GRIK2: variants seen among roughly 807,000 people sequenced by gnomAD.
The protein encoded by GRIK2 is glutamate ionotropic receptor kainate type subunit 2.
Under a neutral mutation model 100.3 loss-of-function variants are expected in GRIK2, and 32 were observed. The ratio of observed to expected loss-of-function variants is 0.32; its 90% CI spans 0.24 to 0.43. The LOEUF (loss-of-function observed/expected upper bound fraction) is 0.43. Among genes scored for constraint, GRIK2 ranks in the 20% least tolerant of loss-of-function variants. GRIK2 has a pLI of 1.00. For missense variants in GRIK2, 843 were observed against 1,114.9 expected, an observed-to-expected ratio of 0.76 and a Z score of 3.47; for synonymous variants, 417 against 389.4, an observed-to-expected ratio of 1.07 and a Z score of -0.83.
At chr6:101,682,411 T>C in intron 5 of GRIK2, 142 bp from the exon 6 acceptor site, 1 of 589,262 alleles carries the variant, frequency 1.7e-6, no homozygotes, top group Non-Finnish European at 3.0e-6. Context: ...TGGGAAAAGA[T>C]TTAGTTTAAC....
intron 11 of GRIK2, among the ~76,000 whole-genome samples, chr6:101,864,084 C>T (rs959803419): frequency 2.7e-5 from 4 of 149,848 alleles, no homozygotes; most frequent in African/African-American, 9.9e-5. Flanking sequence ...TTGCAGTGAG[C>T]CGAGATTGCG....
intron 7 of GRIK2, among the ~76,000 whole-genome samples, chr6:101,764,205 C>A (rs1349372439): frequency 6.6e-6 from 1 of 152,092 alleles, no homozygotes; most frequent in Non-Finnish European, 1.5e-5. Flanking sequence ...TGGTTCCAAT[C>A]CTTCTCATAA....
chr6:101,617,191 AG>A (rs1209304096), intron 2 of GRIK2, among the ~76,000 whole-genome samples: 1 of 151,748 alleles, frequency 6.6e-6, no homozygotes, highest in Non-Finnish European at 1.5e-5. Context: ...ATCTATGTAA[AG>A]TGCACACATG....
chr6:101,402,266 A>T (rs1019896910), intron 2 of GRIK2, among the ~76,000 whole-genome samples: 1 of 152,092 alleles, frequency 6.6e-6, no homozygotes, highest in African/African-American at 2.4e-5. Flanking sequence ...ACATTCTCTC[A>T]CACACACTCA....
At chr6:101,661,612 C>T (rs1363115183) in intron 4 of GRIK2, among the ~76,000 whole-genome samples, 1 of 152,098 alleles carries the variant, frequency 6.6e-6, no homozygotes, top group African/African-American at 2.4e-5. Context: ...GTGTAGGAAC[C>T]TGAGGAATCT....
At chr6:101,768,088 G>A (rs552372910) in intron 7 of GRIK2, among the ~76,000 whole-genome samples, 54 of 151,812 alleles carry the variant, frequency 3.6e-4, no homozygotes, top group Non-Finnish European at 7.5e-4. Flanking sequence ...CAAACTCCTG[G>A]GCTCAAGTGA....
intron 14 of GRIK2, among the ~76,000 whole-genome samples, chr6:101,963,605 C>G (rs10872742): frequency 0.95 from 140,308 of 148,202 alleles, 66,442 homozygotes; most frequent in African/African-American, 0.97. Context: ...ACCCGCCTCG[C>G]CCTCCCAAAG....
intron 14 of GRIK2, among the ~76,000 whole-genome samples, chr6:101,959,272 T>C (rs941552721): frequency 2.6e-5 from 4 of 152,152 alleles, no homozygotes; most frequent in African/African-American, 7.2e-5. Context: ...TTTTCATTAC[T>C]GATTCAATGT....
At chr6:101,744,059 C>T (rs1455037289) in intron 7 of GRIK2, among the ~76,000 whole-genome samples, 2 of 152,090 alleles carry the variant, frequency 1.3e-5, no homozygotes, top group Non-Finnish European at 2.9e-5. Context: ...TCTCCTGCTT[C>T]AGCCTCCTGA....
At chr6:101,936,972 A>T (rs1320997587) in intron 14 of GRIK2, among the ~76,000 whole-genome samples, 1 of 152,142 alleles carries the variant, frequency 6.6e-6, no homozygotes, top group Non-Finnish European at 1.5e-5. Context: ...AGGAATTATA[A>T]GAAGTGATTA....
intron 16 of GRIK2, among the ~76,000 whole-genome samples, chr6:102,059,109 C>A (rs1240496297): frequency 1.3e-5 from 2 of 151,010 alleles, no homozygotes; most frequent in South Asian, 4.2e-4. Flanking sequence ...GATTAATATG[C>A]AAAGTTTCAC....
At position 101,898,214 on chromosome 6, in the gene GRIK2, T is replaced by C. The variant is rs141075832; in HGVS notation, c.1748+8351T>C. Among the ~76,000 whole-genome samples, 68 of 151,976 alleles carry C rather than the reference T, an allele frequency of 4.5e-4. 2 individuals carry two copies. Among genetic ancestry groups the C allele is most frequent in the African/African-American group, 1.6e-3 (65 of 41,540 alleles). Reference sequence around the variant, plus strand: ...GATGTTTTCTTTTTGTTGAATGCTGTTATTGTAACACTTTTTAATTTTAAC... The same window carrying C: ...GATGTTTTCTTTTTGTTGAATGCTGCTATTGTAACACTTTTTAATTTTAAC... On this transcript the variant is annotated intron_variant, in intron 12 of 16. Transcript: ENST00000369134.
chr6:101,828,121 G>C (rs898799372), intron 10 of GRIK2, among the ~76,000 whole-genome samples: 1 of 151,934 alleles, frequency 6.6e-6, no homozygotes, highest in Non-Finnish European at 1.5e-5. Flanking sequence ...GCAACACCAA[G>C]AGGAACTCTC....
intron 14 of GRIK2, among the ~76,000 whole-genome samples, chr6:101,946,577 AT>A (rs1157173469): frequency 5.8e-4 from 89 of 152,260 alleles, no homozygotes; most frequent in African/African-American, 2.1e-3. Flanking sequence ...AATAATGCTT[AT>A]TTGTAAATAC....
chr6:102,065,114 T>C (rs762549230), intron 16 of GRIK2, among the ~76,000 whole-genome samples: 2 of 151,306 alleles, frequency 1.3e-5, no homozygotes, highest in Non-Finnish European at 3.0e-5. Context: ...AGACCATTGA[T>C]TGACTTATGA....
At chr6:101,991,938 A>G (rs1794398300) in intron 14 of GRIK2, among the ~76,000 whole-genome samples, 1 of 151,550 alleles carries the variant, frequency 6.6e-6, no homozygotes. Context: ...AGCATACTAT[A>G]TATGTCATGG....
chr6:101,558,974 G>A (rs1328244234), intron 2 of GRIK2, among the ~76,000 whole-genome samples: 3 of 151,740 alleles, frequency 2.0e-5, no homozygotes, highest in East Asian at 1.9e-4. Flanking sequence ...TCTTTATCTC[G>A]TTCATTATCT....
chr6:101,562,904 T>C (rs1444116639), intron 2 of GRIK2, among the ~76,000 whole-genome samples: 1 of 152,202 alleles, frequency 6.6e-6, no homozygotes, highest in Non-Finnish European at 1.5e-5. Context: ...TTTGGTTCTG[T>C]GTAATGATAC....
intron 7 of GRIK2, among the ~76,000 whole-genome samples, chr6:101,705,167 AG>A (rs1380700547): frequency 6.6e-6 from 1 of 151,230 alleles, no homozygotes; most frequent in Non-Finnish European, 1.5e-5. Flanking sequence ...TTAATTTGGA[AG>A]CAGGAGCTTG....
Sources: gnomAD v4.1 joint callset for allele counts (sites outside exome capture counted in the v4.1 genomes callset) on GRCh38, gnomAD v4.1.1 for gene constraint, MANE v1.5 for transcripts, NCBI Gene and HGNC (gene_info 2026-07-23, HGNC 2026-07-21) for gene names.